The following MYH6 variants were observed in gnomAD, a reference collection of about 807,000 sequenced individuals.
The protein encoded by MYH6 is myosin-6.
MYH6 carries 126 observed loss-of-function variants against 223.2 expected under a neutral mutation model. The observed-to-expected ratio is 0.56, with a 90% CI of 0.49 to 0.65. The LOEUF (loss-of-function observed/expected upper bound fraction) is 0.65, where lower values mean the gene tolerates loss of function less well. Ranked by LOEUF, MYH6 falls within the 30% of genes least tolerant of loss-of-function variation. The probability of loss-of-function intolerance (pLI) is 0.00; values close to 1 mark genes in which losing one functional copy is unlikely to be tolerated. For synonymous variants in MYH6, 978 were observed against 1,010.2 expected (o/e 0.97, Z 0.61); for missense variants, 2,040 against 2,536.4 (o/e 0.80, Z 4.20).
chr14:23,406,295 T>A (rs925839206), intron 3 of MYH6, among the ~76,000 whole-genome samples: 1 of 152,210 alleles, frequency 6.6e-6, no homozygotes, highest in Admixed American at 6.5e-5. Context: ...TGTCATTAGA[T>A]CCTGCCAGTA....
At chr14:23,400,186 G>C in intron 14 of MYH6, 70 bp downstream of exon 14, 1 of 1,611,140 alleles carries the variant, frequency 6.2e-7, no homozygotes, top group Admixed American at 1.7e-5. Flanking sequence ...CTTGGGTGTA[G>C]AAGGGACTCA....
Position 23,404,302 on chromosome 14 carries a change from G to C in MYH6, c.729C>G (p.Ser243=), listed in dbSNP as rs1891706640. The change falls in exon 8 of 39, where the codon TCC becomes TCG. Residue 243 remains serine (S), a synonymous_variant. Coordinates refer to ENST00000405093, the MANE Select transcript of MYH6 (RefSeq NM_002471.4). ...NAKTVRNDNS[S]RFGKFIRIHF... The stretch of plus-strand genomic sequence containing the variant: ...AGTGGTCAAAGGCACTCACAAAGCG[G>C]GAGGAGTTGTCGTTCCGGACAGTCT... 11 of 1,614,258 alleles carry C rather than the reference G, an allele frequency of 6.8e-6. No individual in the cohort carries two copies. Among genetic ancestry groups the C allele is most frequent in the Non-Finnish European group, 9.3e-6 (11 of 1,180,036 alleles).
rs544293019 is a variant in MYH6, at chr14:23,404,327, T to C, written c.704A>G (p.Lys235Arg). ...GGAGGAGTTGTCGTTCCGGACAGTC[T>C]TGGCATTGCCGAAGGCCTCCAGAGC... ...NPALEAFGNA[K>R]TVRNDNSSRF... is the part of the protein sequence containing the mutation. Residue 235 changes from lysine (K) to arginine (R), a missense_variant, in exon 8 of 39, where the codon AAG (lysine) becomes AGG (arginine). Around this residue, in one of 4 missense-constraint regions of MYH6, gnomAD observed 649 missense variants for 877.3 expected, o/e 0.74. Transcript: ENST00000405093. The C allele has an allele frequency of 4.3e-6, 7 of 1,614,124 alleles. No homozygotes were observed. The highest frequency in any genetic ancestry group is 5.9e-6 in the Non-Finnish European group (7 of 1,180,030).
rs139736033 is a variant in MYH6, at chr14:23,407,973, C to T, written c.-47+280G>A. ...CCAGGATCAAGGGAAGGAAGCCATC[C>T]AAAGGAGGAAGGAAGATGGAAAGAT... On this transcript the variant is annotated intron_variant, in intron 1 of 38. Coordinates refer to ENST00000405093, the MANE Select transcript of MYH6 (RefSeq NM_002471.4). The surrounding 1 kb of genome is among the most constrained non-coding windows in gnomAD (Gnocchi z 5.6). Among the ~76,000 whole-genome samples the T allele has an allele frequency of 5.0e-4, 76 of 152,134 alleles. No homozygotes were observed. The highest frequency in any genetic ancestry group is 8.8e-4 in the Non-Finnish European group (60 of 67,992).
At chr14:23,399,224 C>T (rs1891523665) in intron 14 of MYH6, among the ~76,000 whole-genome samples, 187 bp from the exon 15 acceptor site, 1 of 152,194 alleles carries the variant, frequency 6.6e-6, no homozygotes, top group Non-Finnish European at 1.5e-5. Context: ...GCCCCTTCCT[C>T]CTCCTTTCTG....
At chr14:23,400,126 G>A (rs1891553139) in intron 14 of MYH6, 130 bp downstream of exon 14, 2 of 1,382,000 alleles carry the variant, frequency 1.4e-6, no homozygotes, top group African/African-American at 2.9e-5. Context: ...CTTCACAGTG[G>A]GGAGAAGCTG....
chr14:23,390,328 T>C lies in MYH6; in HGVS notation c.3461A>G (p.Glu1154Gly), dbSNP rs1288715863. The C allele has an allele frequency of 6.8e-6, 11 of 1,607,838 alleles. No homozygotes were observed. The highest frequency in any genetic ancestry group is 1.7e-5 in the Admixed American group (1 of 59,758). ...ELEEISERLEEAGGATSVQIE... is the reference protein window; with the variant it reads ...ELEEISERLEGAGGATSVQIE... ...CTGCACGGACGTGGCCCCGCCGGCCTCTTCCAGCCGCTCGCTGATCTCCTC... is the reference window on the plus strand; with the variant it reads ...CTGCACGGACGTGGCCCCGCCGGCCCCTTCCAGCCGCTCGCTGATCTCCTC... The change falls in exon 26 of 39, where the codon GAG (glutamate) becomes GGG (glycine). Residue 1154 changes from glutamate (E) to glycine (G), a missense_variant. Glu to Gly is a moderately conservative substitution (Grantham distance 98). Coordinates refer to ENST00000405093, the MANE Select transcript of MYH6 (RefSeq NM_002471.4).
At chr14:23,382,191 C>T (rs453361) in intron 38 of MYH6, 128 bp from the exon 39 acceptor site, 129,924 of 1,147,758 alleles carry the variant, frequency 0.11, 9,044 homozygotes, top group African/African-American at 0.27. Flanking sequence ...CCCAGGGATC[C>T]TGTGGTCCCA....
chr14:23,405,194 G>C lies in MYH6; in HGVS notation c.502+29C>G, dbSNP rs1891744965. 1.2e-6 allele frequency: 2 copies of C among 1,613,996 alleles called. No individual in the cohort carries two copies. The highest frequency in any genetic ancestry group is 4.5e-5 in the East Asian group (2 of 44,890). On this transcript the variant is annotated intron_variant, in intron 5 of 38. Transcript: ENST00000405093. This position sits in a 1 kb window ranked among gnomAD's most constrained non-coding sequence, Gnocchi z 4.7. ...GATCTGGGTGGGTGTCTGGGAGGAG[G>C]AGCAGAGACCAGGGGCCACCAGGCT...
Position 23,385,170 on chromosome 14 carries a change from T to C in MYH6, c.5164-129A>G, listed in dbSNP as rs1001135568. 2.6e-6 allele frequency: 3 copies of C among 1,135,154 alleles called. No individual in the cohort carries two copies. In the African/African-American group the frequency reaches 4.6e-5, roughly 17 times the overall value. 70.3% of individuals were successfully genotyped at this position (1,135,154 alleles called of 1,614,324 possible). A position where few individuals can be genotyped will look rare whatever the true frequency, so the allele number is the denominator to read the frequency against. ...AACAACAAGCCCACTTTTAGACTAT[T>C]GATCGTTTTGTACCTGCTTTCCCTT... On this transcript the variant is annotated intron_variant, in intron 34 of 38. Transcript: ENST00000405093.
At chr14:23,389,537 G>T in intron 27 of MYH6, 26 bp from the exon 28 acceptor site, 5 of 1,614,208 alleles carry the variant, frequency 3.1e-6, no homozygotes, top group Non-Finnish European at 4.2e-6. Flanking sequence ...GGGGCTTGTG[G>T]GCCATTTCAC....
chr14:23,402,159 C>A (rs528850237), intron 12 of MYH6, among the ~76,000 whole-genome samples: 7 of 152,328 alleles, frequency 4.6e-5, no homozygotes, highest in Admixed American at 1.3e-4. Context: ...AAGGGCTGGG[C>A]AGGCAAAGGC....
chr14:23,400,144 A>G, intron 14 of MYH6, 112 bp downstream of exon 14: 1 of 1,522,554 alleles, frequency 6.6e-7, no homozygotes, highest in Admixed American at 1.8e-5. Flanking sequence ...CTGGGCCTGG[A>G]GAAAGGCCTG....
chr14:23,400,307 T>C lies in MYH6; in HGVS notation c.1530A>G (p.Thr510=). ...GCAGGTCCATGCCAAAGTCAATGAATGTCCACTCAATGCCCTCCTTCTTGT... is the reference window on the plus strand; with the variant it reads ...GCAGGTCCATGCCAAAGTCAATGAACGTCCACTCAATGCCCTCCTTCTTGT... ...EEYKKEGIEW[T]FIDFGMDLQA... Residue 510 remains threonine, a synonymous_variant, in exon 14 of 39, where the codon ACA becomes ACG. Transcript: ENST00000405093. 6.2e-7 allele frequency: 1 copy of C among 1,614,234 alleles called. No homozygotes were observed. The highest frequency in any genetic ancestry group is 8.5e-7 in the Non-Finnish European group (1 of 1,180,044).
At chr14:23,400,157 A>T in intron 14 of MYH6, 99 bp downstream of exon 14, 1 of 1,577,182 alleles carries the variant, frequency 6.3e-7, no homozygotes, top group South Asian at 1.1e-5. Context: ...AAGGCCTGGG[A>T]TTCTTGGGAC....
chr14:23,397,949 C>CTTCTTCTTCTTCTTCTTCTAT (rs1891463141), intron 15 of MYH6, among the ~76,000 whole-genome samples: 1 of 78,908 alleles, frequency 1.3e-5, no homozygotes, highest in Non-Finnish European at 2.5e-5. Context: ...TCTTCTTCTT[C>CTTCTTCTTCTTCTTCTTCTAT]TTCTTCTTCT....
chr14:23,387,991 G>GCCCCAGTT lies in MYH6; in HGVS notation c.4360-69_4360-68insAACTGGGG, dbSNP rs1467896656. 3 of 1,606,644 alleles carry GCCCCAGTT rather than the reference G, an allele frequency of 1.9e-6. No homozygotes were observed. The African/African-American group carries it at 4.0e-5, about 22-fold the overall frequency. ...CTCCCCAGCCCTCCTGCTTCCCAGT[G>GCCCCAGTT]CCCCAGCCCCCAGCCTCAGCCGCAT... On this transcript the variant is annotated intron_variant, in intron 30 of 38. Coordinates refer to ENST00000405093, the MANE Select transcript of MYH6 (RefSeq NM_002471.4).
Position 23,387,577 on chromosome 14 carries a change from C to G in MYH6, c.4602G>C (p.Gln1534His), listed in dbSNP as rs199600772. ...GCAGCTCCAGCTTCTCCACCTCCAG[C>G]TGTTTGCGGACCTTCTCCAGCTCAT... Reference protein sequence around the residue: ...NVHELEKVRKQLEVEKLELQS... With the variant: ...NVHELEKVRKHLEVEKLELQS... The change falls in exon 32 of 39, where the codon CAG becomes CAC. Residue 1534 changes from glutamine to histidine, a missense_variant. By Grantham distance (24) the Gln-to-His change is conservative. Around this residue, in one of 4 missense-constraint regions of MYH6, gnomAD observed 1,203 missense variants for 1,400.2 expected, o/e 0.86. Transcript: ENST00000405093. 35 of 1,613,992 alleles carry G rather than the reference C, an allele frequency of 2.2e-5. No individual in the cohort carries two copies. The highest frequency in any genetic ancestry group is 2.5e-5 in the Non-Finnish European group (30 of 1,180,024).
rs1248213711 is a variant in MYH6 at position 23,394,920 on chromosome 14, C to G, written c.2430-597G>C. Among the ~76,000 whole-genome samples, 3 of 152,208 alleles carry G rather than the reference C, an allele frequency of 2.0e-5. No homozygotes were observed. In the East Asian group the frequency reaches 5.8e-4, roughly 29 times the overall value. ...CACTCTTGTTGCCCAGGCTGGAGTG[C>G]AATGGCACAATCTCGGCTCACTGCA... On this transcript the variant is annotated intron_variant, in intron 20 of 38. Transcript: ENST00000405093.
Sources: gnomAD v4.1 joint callset for allele counts (sites outside exome capture counted in the v4.1 genomes callset) on GRCh38, gnomAD v4.1.1 for gene constraint, gnomAD v4.1.1 regional missense constraint, Gnocchi (gnomAD v3.1) non-coding constraint, MANE v1.5 for transcripts, NCBI Gene and HGNC (gene_info 2026-07-23, HGNC 2026-07-21) for gene names.